The following ANK3 variants were observed in gnomAD, a reference collection of about 807,000 sequenced individuals.
The protein encoded by ANK3 is ankyrin-3.
ANK3 carries 57 observed loss-of-function variants against 370.9 expected under a neutral mutation model. The ratio of observed to expected loss-of-function variants is 0.15; its 90% confidence interval spans 0.12 to 0.19. ANK3 has a LOEUF of 0.19. ANK3 is among the 10% of genes least tolerant of loss of function. The pLI is 1.00. For synonymous variants in ANK3, 1,929 were observed against 1,946.3 expected (o/e 0.99, Z 0.23); for missense variants, 4,439 against 5,302.1 (o/e 0.84, Z 5.06).
chr10:60,507,281 G>T (rs184270011), intron 2 of ANK3, among the ~76,000 whole-genome samples: 1 of 151,890 alleles, frequency 6.6e-6, no homozygotes, highest in East Asian at 1.9e-4. Context: ...AAATTAATGC[G>T]TCACAATGGC....
intron 14 of ANK3, among the ~76,000 whole-genome samples, chr10:60,197,672 C>T (rs2096608670): frequency 6.6e-6 from 1 of 152,198 alleles, no homozygotes; most frequent in African/African-American, 2.4e-5. Context: ...TCTTTCTTAT[C>T]TGCATCCAAA....
At chr10:60,078,116 C>T (rs2084257492) in intron 36 of ANK3, among the ~76,000 whole-genome samples, 1 of 152,196 alleles carries the variant, frequency 6.6e-6, no homozygotes, top group Non-Finnish European at 1.5e-5. Flanking sequence ...AATAGTGAAA[C>T]TCAAAGAGAA....
At chr10:60,095,962 T>C (rs1589920053) in intron 28 of ANK3, among the ~76,000 whole-genome samples, 2 of 152,226 alleles carry the variant, frequency 1.3e-5, no homozygotes, top group African/African-American at 4.8e-5. Context: ...TCACCTGAGA[T>C]CAGGAGTTCA....
intron 2 of ANK3, among the ~76,000 whole-genome samples, chr10:60,454,278 A>G (rs893646256): frequency 2.0e-5 from 3 of 152,188 alleles, no homozygotes; most frequent in Admixed American, 6.5e-5. Flanking sequence ...TGTTCTGTAT[A>G]CACTGGAAAA....
At chr10:60,127,141 T>C (rs993922158) in intron 25 of ANK3, among the ~76,000 whole-genome samples, 2 of 152,214 alleles carry the variant, frequency 1.3e-5, no homozygotes, top group Non-Finnish European at 2.9e-5. Context: ...GGAACCCCAG[T>C]AGAGTTTCTC....
At chr10:60,415,481 T>A (rs2063642958) in intron 2 of ANK3, among the ~76,000 whole-genome samples, 1 of 152,076 alleles carries the variant, frequency 6.6e-6, no homozygotes, top group African/African-American at 2.4e-5. Flanking sequence ...AACCCGAGTG[T>A]CCAGAGTTAG....
Position 60,055,808 on chromosome 10 carries a change from T to G in ANK3, c.12915A>C (p.Lys4305Asn), listed in dbSNP as rs375976712. The G allele has an allele frequency of 8.1e-6, 13 of 1,614,118 alleles. No individual in the cohort carries two copies. In the African/African-American group the frequency reaches 1.6e-4, roughly 20 times the overall value. ...EPASPLAAYQ[K>N]SLEETSKLII... is the part of the protein sequence containing the mutation. ...TAAGCTTGCTGGTTTCTTCTAGAGA[T>G]TTCTGATATGCTGCTAGTGGTGATG... The change falls in exon 42 of 44, where the codon AAA becomes AAC. Residue 4305 changes from lysine to asparagine, a missense_variant. Lys to Asn is a moderately conservative substitution (Grantham distance 94). Coordinates refer to ENST00000280772, the MANE Select transcript of ANK3 (RefSeq NM_020987.5).
intron 1 of ANK3, among the ~76,000 whole-genome samples, chr10:60,709,616 A>G (rs1370436124): frequency 6.6e-6 from 1 of 152,038 alleles, no homozygotes; most frequent in East Asian, 1.9e-4. Flanking sequence ...CTTGAGCCCA[A>G]GCGTTTGAGA....
rs1472213907 is a variant in ANK3 at position 60,642,167 on chromosome 10, C to T, written c.58-26943G>A. On this transcript the variant is annotated intron_variant, in intron 1 of 43. Transcript: ENST00000373827. The stretch of plus-strand genomic sequence containing the variant: ...GAGAGGATGTGGAGAAATAGGTACA[C>T]TTTTACACTGTTGGTGGGACTGTAA... Among the ~76,000 whole-genome samples the T allele has an allele frequency of 2.7e-5, 4 of 150,868 alleles. No homozygotes were observed. The East Asian group carries it at 7.7e-4, about 29-fold the overall frequency.
At chr10:60,421,027 G>A (rs1287917589) in intron 2 of ANK3, among the ~76,000 whole-genome samples, 1 of 151,996 alleles carries the variant, frequency 6.6e-6, no homozygotes, top group Non-Finnish European at 1.5e-5. Context: ...TTAAAAAACA[G>A]TAAAATTTTG....
At chr10:60,572,741 G>T in intron 2 of ANK3, 1 of 1,357,084 alleles carries the variant, frequency 7.4e-7, no homozygotes, top group Non-Finnish European at 9.4e-7. Context: ...GAAGAAACTG[G>T]GTGTTCTCTA....
At chr10:60,437,640 C>G (rs1408457704) in intron 2 of ANK3, among the ~76,000 whole-genome samples, 1 of 152,110 alleles carries the variant, frequency 6.6e-6, no homozygotes, top group South Asian at 2.1e-4. Context: ...GTTCCATGAC[C>G]CTGGAATGCT....
intron 33 of ANK3, 104 bp downstream of exon 33, chr10:60,083,388 G>T: frequency 8.1e-7 from 1 of 1,239,242 alleles, no homozygotes; most frequent in Non-Finnish European, 1.1e-6. Context: ...GTTCAGATTT[G>T]ACGGGGTATT....
chr10:60,701,602 G>A (rs1482415816), intron 1 of ANK3, among the ~76,000 whole-genome samples: 1 of 152,092 alleles, frequency 6.6e-6, no homozygotes, highest in African/African-American at 2.4e-5. Context: ...TTAATCTCCA[G>A]GCTATATTAA....
intron 2 of ANK3, among the ~76,000 whole-genome samples, chr10:60,501,160 T>C (rs2075786032): frequency 6.6e-6 from 1 of 152,118 alleles, no homozygotes; most frequent in Admixed American, 6.5e-5. Flanking sequence ...CTGAGAGCTT[T>C]TGACTTTAAG....
intron 43 of ANK3, among the ~76,000 whole-genome samples, chr10:60,032,614 C>T (rs939299780): frequency 6.6e-6 from 1 of 152,158 alleles, no homozygotes; most frequent in African/African-American, 2.4e-5. Context: ...TAATGAGTAG[C>T]AAGGCCTTTC....
intron 27 of ANK3, 71 bp from the exon 28 acceptor site, chr10:60,106,130 T>G: frequency 7.4e-7 from 1 of 1,357,770 alleles, no homozygotes. Flanking sequence ...AAAAAATGTT[T>G]CGTTAACAGT....
intron 2 of ANK3, among the ~76,000 whole-genome samples, chr10:60,470,813 A>G (rs1215565143): frequency 7.9e-5 from 12 of 152,182 alleles, no homozygotes; most frequent in Non-Finnish European, 1.6e-4. Flanking sequence ...CAAACAAACA[A>G]AAAACAAGTA....
chr10:60,213,533 C>A, intron 8 of ANK3, 23 bp from the exon 9 acceptor site: 1 of 1,510,452 alleles, frequency 6.6e-7, no homozygotes, highest in South Asian at 1.2e-5. Flanking sequence ...GGAAACATCA[C>A]CAATTAAATT....
Sources: allele counts gnomAD v4.1 joint callset (sites outside exome capture counted in the v4.1 genomes callset), GRCh38; gene constraint gnomAD v4.1.1; transcripts MANE v1.5; gene names NCBI Gene and HGNC (gene_info 2026-07-23, HGNC 2026-07-21).